The following DPP6 variants were observed in gnomAD, a reference collection of about 807,000 sequenced individuals.
DPP6 encodes dipeptidyl peptidase like 6.
A neutral mutation model predicts 122.6 loss-of-function variants in DPP6; 69 were observed. The observed-to-expected ratio is 0.56, with a 90% confidence interval of 0.46 to 0.69. The LOEUF (loss-of-function observed/expected upper bound fraction) is 0.69, where lower values mean the gene tolerates loss of function less well. DPP6 is among the 30% of genes least tolerant of loss of function. The probability of loss-of-function intolerance (pLI) is 0.00; values close to 1 mark genes in which losing one functional copy is unlikely to be tolerated. For synonymous variants in DPP6, 418 were observed against 433.1 expected (o/e 0.97, Z 0.43); for missense variants, 928 against 1,116.9 (o/e 0.83, Z 2.41).
intron 8 of DPP6, among the ~76,000 whole-genome samples, chr7:154,730,943 C>T (rs901005476): frequency 7.2e-5 from 11 of 152,200 alleles, no homozygotes; most frequent in South Asian, 2.1e-4. Context: ...GGCATTTACA[C>T]GAAATTGTGT....
In DPP6 at chr7:154,308,577, G is replaced by A. The variant is rs1806576924; in HGVS notation, c.244-137637G>A. On this transcript the variant is annotated intron_variant, in intron 1 of 25. Transcript: ENST00000377770. ...GATACTGAGACTCCTCGGTGAAAAT[G>A]GCTGAGCATTGGCTGCACCTGACCT... 2.6e-5 allele frequency among the ~76,000 whole-genome samples: 4 copies of A among 152,156 alleles called. No homozygotes were observed. The South Asian group carries it at 8.3e-4, about 31-fold the overall frequency.
chr7:154,495,239 G>A (rs1004315333), intron 3 of DPP6, among the ~76,000 whole-genome samples: 1 of 152,158 alleles, frequency 6.6e-6, no homozygotes, highest in African/African-American at 2.4e-5. Context: ...GACCCTCAGG[G>A]CGTTTCTGCA....
intron 1 of DPP6, among the ~76,000 whole-genome samples, chr7:154,434,421 G>A (rs1818695394): frequency 6.6e-6 from 1 of 152,054 alleles, no homozygotes; most frequent in Non-Finnish European, 1.5e-5. Context: ...GGTCCAGACT[G>A]CTGGACTCTT....
intron 1 of DPP6, among the ~76,000 whole-genome samples, chr7:154,207,135 C>A (rs78981327): frequency 0.041 from 3,770 of 91,612 alleles, 170 homozygotes; most frequent in African/African-American, 0.094. Flanking sequence ...GTTGGCAAAG[C>A]CACATTAACA....
At chr7:154,157,031 A>G in intron 1 of DPP6, among the ~76,000 whole-genome samples, 1 of 152,252 alleles carries the variant, frequency 6.6e-6, no homozygotes, top group East Asian at 1.9e-4. Context: ...AATTTAAAAG[A>G]TATACCCTCA....
chr7:154,370,910 G>A (rs554412671), intron 1 of DPP6, among the ~76,000 whole-genome samples: 1 of 152,186 alleles, frequency 6.6e-6, no homozygotes, highest in Non-Finnish European at 1.5e-5. Context: ...CCTGACAGGT[G>A]TGGAAACACC....
At chr7:153,806,259 G>T in the DPP6 span, among the ~76,000 whole-genome samples, 4 of 151,882 alleles carry the variant, frequency 2.6e-5, no homozygotes, top group Non-Finnish European at 5.9e-5. Context: ...ATCTTACAGA[G>T]TCTCTGTTCC....
At chr7:154,532,980 A>G (rs1377654692) in intron 3 of DPP6, among the ~76,000 whole-genome samples, 1 of 152,198 alleles carries the variant, frequency 6.6e-6, no homozygotes, top group Non-Finnish European at 1.5e-5. Flanking sequence ...TGTACTCAGA[A>G]GAAAGGAATT....
chr7:153,901,271 T>G (rs2128998454), intron 1 of DPP6, among the ~76,000 whole-genome samples: 1 of 152,328 alleles, frequency 6.6e-6, no homozygotes, highest in East Asian at 1.9e-4. Flanking sequence ...TAGAAATGTT[T>G]TAGGTCCACC....
chr7:154,410,766 C>T (rs76410407), intron 1 of DPP6, among the ~76,000 whole-genome samples: 4,247 of 152,218 alleles, frequency 0.028, 188 homozygotes, highest in African/African-American at 0.097. Flanking sequence ...TATTTTGTTT[C>T]TTCCCTTTTA....
intron 1 of DPP6, among the ~76,000 whole-genome samples, chr7:154,296,558 G>C (rs1331569549): frequency 6.6e-6 from 1 of 152,184 alleles, no homozygotes; most frequent in African/African-American, 2.4e-5. Context: ...CCCAGGAAAA[G>C]TGACAGCCTT....
chr7:154,463,419 G>A (rs1395989964), intron 2 of DPP6, among the ~76,000 whole-genome samples: 1 of 151,918 alleles, frequency 6.6e-6, no homozygotes, highest in Non-Finnish European at 1.5e-5. Flanking sequence ...GTGTTAGCCA[G>A]GATGGTCTCG....
intron 3 of DPP6, among the ~76,000 whole-genome samples, chr7:154,493,828 T>G (rs1467010968): frequency 2.6e-5 from 4 of 152,322 alleles, no homozygotes; most frequent in Non-Finnish European, 5.9e-5. Flanking sequence ...CAGGGAGTTT[T>G]GTTTTGATTT....
chr7:154,783,330 T>C (rs984280281), intron 10 of DPP6, among the ~76,000 whole-genome samples: 2 of 152,138 alleles, frequency 1.3e-5, no homozygotes, highest in South Asian at 2.1e-4. Context: ...CAGGGTCTTC[T>C]CTCGTCTCTG....
chr7:153,778,718 C>A, the DPP6 span, among the ~76,000 whole-genome samples: 1 of 151,922 alleles, frequency 6.6e-6, no homozygotes, highest in Non-Finnish European at 1.5e-5. Context: ...CAATTGGAAG[C>A]CTCATACAGG....
intron 8 of DPP6, among the ~76,000 whole-genome samples, chr7:154,742,057 T>C (rs1280410917): frequency 1.3e-5 from 2 of 152,150 alleles, no homozygotes; most frequent in African/African-American, 4.8e-5. Flanking sequence ...TCACTATGGA[T>C]TGCAGTGCCC....
intron 3 of DPP6, among the ~76,000 whole-genome samples, chr7:154,529,983 G>T (rs1259103895): frequency 6.6e-6 from 1 of 151,998 alleles, no homozygotes; most frequent in African/African-American, 2.4e-5. Context: ...AAAATTAGCT[G>T]GGCGTGGTGG....
At chr7:154,375,485 A>G (rs1313688397) in intron 1 of DPP6, among the ~76,000 whole-genome samples, 1 of 152,120 alleles carries the variant, frequency 6.6e-6, no homozygotes, top group Non-Finnish European at 1.5e-5. Flanking sequence ...CCACTGTGCT[A>G]GTATTTGGAA....
intron 7 of DPP6, among the ~76,000 whole-genome samples, chr7:154,684,526 T>G (rs1186198062): frequency 2.0e-5 from 3 of 152,212 alleles, no homozygotes; most frequent in Non-Finnish European, 2.9e-5. Flanking sequence ...ATTTATGAAT[T>G]TTTATGAAAT....
Sources: gnomAD v4.1 joint callset for allele counts (sites outside exome capture counted in the v4.1 genomes callset) on GRCh38, gnomAD v4.1.1 for gene constraint, MANE v1.5 for transcripts, NCBI Gene and HGNC (gene_info 2026-07-23, HGNC 2026-07-21) for gene names.